GPHN: variants seen among roughly 807,000 people sequenced by gnomAD.
GPHN encodes gephyrin.
Under a neutral mutation model 95.5 loss-of-function variants are expected in GPHN, and 17 were observed. That is an observed-to-expected ratio of 0.18 (90% CI 0.12 to 0.27). The LOEUF (loss-of-function observed/expected upper bound fraction) is 0.27. GPHN is among the 10% of genes least tolerant of loss of function. The probability of loss-of-function intolerance (pLI) is 1.00; values close to 1 mark genes in which losing one functional copy is unlikely to be tolerated. For synonymous variants in GPHN, 320 were observed against 322.5 expected (o/e 0.99, Z 0.08); for missense variants, 660 against 978.1 (o/e 0.67, Z 4.34).
At position 66,832,078 on chromosome 14, in the gene GPHN, C is replaced by T. The variant is rs144007855; in HGVS notation, c.294+7512C>T. ...ACGAGAATCACTTGAACCCAGGAGGCGGAAGTTGCAGTGAGCAAAGATGGG... is the reference window on the plus strand; with the variant it reads ...ACGAGAATCACTTGAACCCAGGAGGTGGAAGTTGCAGTGAGCAAAGATGGG... On this transcript the variant is annotated intron_variant, in intron 4 of 22. Coordinates refer to ENST00000478722, the MANE Select transcript of GPHN (RefSeq NM_020806.5). Among the ~76,000 whole-genome samples the T allele has an allele frequency of 4.9e-3, 752 of 152,204 alleles. 4 individuals are homozygous for T. Among genetic ancestry groups the T allele is most frequent in the Non-Finnish European group, 7.9e-3 (538 of 68,006 alleles).
In GPHN at chr14:66,922,830, C is replaced by G; in HGVS notation, c.621C>G (p.Asp207Glu). ...CCAGCCCCCATAAACAGACAGAAGA[C>G]AAAGGAGTTCAATGTGAGGAAGAGG... ...PTTSPHKQTE[D>E]KGVQCEEEEE... is the part of the protein sequence containing the mutation. Residue 207 changes from aspartate to glutamate, a missense_variant, in exon 7 of 23, where the codon GAC becomes GAG. Asp to Glu is a conservative substitution (Grantham distance 45). This residue lies in a region of GPHN where 190 missense variants were observed against 224.7 expected (regional missense o/e 0.85). Transcript: ENST00000478722. 3.7e-6 allele frequency: 6 copies of G among 1,612,966 alleles called. No individual in the cohort carries two copies. Among genetic ancestry groups the G allele is most frequent in the Non-Finnish European group, 4.2e-6 (5 of 1,179,340 alleles).
At chr14:66,735,892 C>T (rs966205496) in intron 2 of GPHN, among the ~76,000 whole-genome samples, 2 of 151,976 alleles carry the variant, frequency 1.3e-5, no homozygotes, top group Non-Finnish European at 2.9e-5. Context: ...ATTTTTATTT[C>T]TTGTTTAATA....
At chr14:67,656,583 G>T in the GPHN span, 229 of 1,599,748 alleles carry the variant, frequency 1.4e-4, no homozygotes, top group African/African-American at 2.4e-3. Context: ...TGAGACTGTA[G>T]CCGATTCTGA....
chr14:67,293,115 T>C, the GPHN span, among the ~76,000 whole-genome samples: 1 of 152,102 alleles, frequency 6.6e-6, no homozygotes, highest in Non-Finnish European at 1.5e-5. Flanking sequence ...ACGCCTAAGA[T>C]TTATTATGTC....
At chr14:66,654,506 T>C (rs2065210252) in intron 1 of GPHN, among the ~76,000 whole-genome samples, 1 of 152,192 alleles carries the variant, frequency 6.6e-6, no homozygotes, top group Non-Finnish European at 1.5e-5. Flanking sequence ...CATTTTCTGC[T>C]TTTTTTGTTA....
intron 2 of GPHN, among the ~76,000 whole-genome samples, chr14:66,745,059 A>G (rs1237322994): frequency 6.6e-6 from 1 of 152,142 alleles, no homozygotes; most frequent in African/African-American, 2.4e-5. Flanking sequence ...TTAAAATTCT[A>G]CATCTCAATA....
the GPHN span, among the ~76,000 whole-genome samples, chr14:67,206,606 A>G: frequency 2.0e-5 from 3 of 152,250 alleles, no homozygotes; most frequent in African/African-American, 7.2e-5. Flanking sequence ...ATGTTAAGTG[A>G]AAAAGGTAGG....
chr14:67,340,373 T>C, the GPHN span: 2 of 1,348,966 alleles, frequency 1.5e-6, no homozygotes, highest in Non-Finnish European at 2.1e-6. Flanking sequence ...CAACAAGTCA[T>C]TCAGCAAATA....
chr14:66,798,653 A>G (rs1232973124), intron 3 of GPHN, among the ~76,000 whole-genome samples: 1 of 151,780 alleles, frequency 6.6e-6, no homozygotes, highest in East Asian at 1.9e-4. Context: ...ATCAATTGTA[A>G]TGTCACCTTT....
chr14:67,650,658 CCTCA>C, the GPHN span: 2 of 1,502,388 alleles, frequency 1.3e-6, no homozygotes, highest in Admixed American at 1.7e-5. Context: ...GTGGGATGAC[CCTCA>C]CTGAGAGTAG....
At chr14:67,185,660 G>T (rs987987402), downstream of GPHN, among the ~76,000 whole-genome samples, 5 of 152,036 alleles carry the variant, frequency 3.3e-5, no homozygotes, top group African/African-American at 4.8e-5. Context: ...ATATCAGAAT[G>T]AAAAAAATAA....
the GPHN span, among the ~76,000 whole-genome samples, chr14:67,676,040 T>C: frequency 4.4e-3 from 667 of 152,184 alleles, 6 homozygotes; most frequent in African/African-American, 0.015. Flanking sequence ...GTGGTTGCAG[T>C]GAGCTGAGAT....
the GPHN span, chr14:67,574,343 C>T: frequency 9.4e-6 from 15 of 1,599,000 alleles, no homozygotes; most frequent in African/African-American, 6.7e-5. This position sits in a 1 kb window ranked among gnomAD's most constrained non-coding sequence, Gnocchi z 4.2. Flanking sequence ...TGCAGGCCAC[C>T]GGGCCTCCAG....
At chr14:67,623,803 A>G in the GPHN span, among the ~76,000 whole-genome samples, 1 of 151,984 alleles carries the variant, frequency 6.6e-6, no homozygotes, top group East Asian at 1.9e-4. Context: ...AGGCCTCCCA[A>G]AGTGCTGGGA....
At chr14:66,907,800 AATATAT>A (rs2153553479) in intron 5 of GPHN, among the ~76,000 whole-genome samples, 1 of 152,206 alleles carries the variant, frequency 6.6e-6, no homozygotes, top group Admixed American at 6.5e-5. Flanking sequence ...TTCTAATTTT[AATATAT>A]ATGTATACTG....
At chr14:67,725,274 G>A in the GPHN span, 2 of 1,612,266 alleles carry the variant, frequency 1.2e-6, no homozygotes, top group Non-Finnish European at 8.5e-7. Flanking sequence ...TGATGGGTAG[G>A]TAGAAAAGCA....
At chr14:67,292,833 T>TCA in the GPHN span, 3 of 767,284 alleles carry the variant, frequency 3.9e-6, no homozygotes, top group Non-Finnish European at 6.1e-6. Flanking sequence ...TAATTACTGT[T>TCA]AATTACATGT....
chr14:66,510,321 A>G (rs925788348), intron 1 of GPHN, among the ~76,000 whole-genome samples: 1 of 152,242 alleles, frequency 6.6e-6, no homozygotes, highest in Admixed American at 6.5e-5. Flanking sequence ...AAAAAAGGCC[A>G]TAGATGTTTA....
the GPHN span, among the ~76,000 whole-genome samples, chr14:67,236,649 G>A: frequency 2.0e-5 from 3 of 152,246 alleles, no homozygotes; most frequent in African/African-American, 7.2e-5. Flanking sequence ...AATGTTCTTA[G>A]CTCAGGGATA....
Sources: gnomAD v4.1 joint callset for allele counts (sites outside exome capture counted in the v4.1 genomes callset) on GRCh38, gnomAD v4.1.1 for gene constraint, gnomAD v4.1.1 regional missense constraint, Gnocchi (gnomAD v3.1) non-coding constraint, MANE v1.5 for transcripts, NCBI Gene and HGNC (gene_info 2026-07-23, HGNC 2026-07-21) for gene names.